IFI44L: variants seen among roughly 807,000 people sequenced by gnomAD.
IFI44L encodes the protein interferon induced protein 44 like.
In IFI44L, 40 loss-of-function variants were observed where a neutral mutation model predicts 39.3. The observed-to-expected ratio is 1.02, with a 90% CI of 0.79 to 1.33. The LOEUF (loss-of-function observed/expected upper bound fraction) is 1.33, where lower values mean the gene tolerates loss of function less well. Among genes scored for constraint, IFI44L ranks in the 40% most tolerant of loss-of-function variants. The pLI is 0.00. For missense variants in IFI44L, 623 were observed against 549.0 expected, an observed-to-expected ratio of 1.13 and a Z score of -1.35; for synonymous variants, 198 against 182.3, an observed-to-expected ratio of 1.09 and a Z score of -0.69.
intron 6 of IFI44L, among the ~76,000 whole-genome samples, chr1:78,638,081 C>T (rs1301588939): frequency 6.6e-6 from 1 of 152,028 alleles, no homozygotes; most frequent in Non-Finnish European, 1.5e-5. Context: ...ATTTTTTCTG[C>T]ATTCTTGCTA....
Position 78,644,472 on chromosome 1 carries a change from A to G in IFI44L, c.*2663A>G, listed in dbSNP as rs908989354. The G allele has an allele frequency of 1.3e-5, 2 of 152,182 alleles. No individual in the cohort carries two copies. Among genetic ancestry groups the G allele is most frequent in the African/African-American group, 4.8e-5 (2 of 41,446 alleles). The allele number at this position is 152,182 out of a possible 1,614,324, so 9.4% of individuals were successfully genotyped here. A position where few individuals can be genotyped will look rare whatever the true frequency, so the allele number is the denominator to read the frequency against. Reference sequence around the variant, plus strand: ...TATATTGCTTTGGAAACACTTAAACATCAAATGGAGTTAAATACATATTTG... The same window carrying G: ...TATATTGCTTTGGAAACACTTAAACGTCAAATGGAGTTAAATACATATTTG... On this transcript the variant is annotated 3_prime_UTR_variant, in exon 9 of 9. Transcript: ENST00000370751.
chr1:78,642,169 T>A lies in IFI44L; in HGVS notation c.*360T>A, dbSNP rs938738684. 7.0e-5 allele frequency: 18 copies of A among 255,932 alleles called. No individual in the cohort carries two copies. The highest frequency in any genetic ancestry group is 1.4e-4 in the Non-Finnish European group (18 of 132,272). 15.9% of individuals were successfully genotyped at this position (255,932 alleles called of 1,614,324 possible). On this transcript the variant is annotated 3_prime_UTR_variant, in exon 9 of 9. Coordinates refer to ENST00000370751, the MANE Select transcript of IFI44L (RefSeq NM_006820.4). ...TAGTTATAAAATTATTGTATAGACA[T>A]CTGCTTCTTAAACAGATTGTGAGTT...
chr1:78,635,054 T>G (rs1461552215), intron 4 of IFI44L, among the ~76,000 whole-genome samples: 1 of 151,324 alleles, frequency 6.6e-6, no homozygotes, highest in African/African-American at 2.4e-5. Flanking sequence ...ACACACACGT[T>G]TTACATGATA....
At chr1:78,635,556 A>G (rs1473502037) in intron 5 of IFI44L, 67 bp downstream of exon 5, 2 of 1,498,274 alleles carry the variant, frequency 1.3e-6, no homozygotes, top group Admixed American at 1.8e-5. Context: ...TGAATTTTTA[A>G]CCACATAAGG....
In IFI44L at chr1:78,628,339, C is replaced by G. The variant is rs1652583355; in HGVS notation, c.424C>G (p.Leu142Val). 1 of 1,597,548 alleles carries G rather than the reference C, an allele frequency of 6.3e-7. No homozygotes were observed. The highest frequency in any genetic ancestry group is 1.7e-5 in the Admixed American group (1 of 57,260). Reference sequence around the variant, plus strand: ...TAAAATGATAACAAGAAACTTGAAACTAAGGTTTTATGGCCACCGTCAGTA... The same window carrying G: ...TAAAATGATAACAAGAAACTTGAAAGTAAGGTTTTATGGCCACCGTCAGTA... ...LDKMITRNLK[L>V]RFYGHRQYLE... Residue 142 changes from leucine to valine, a missense_variant, in exon 2 of 9, where the codon CTA (leucine) becomes GTA (valine). Transcript: ENST00000370751.
intron 1 of IFI44L, among the ~76,000 whole-genome samples, chr1:78,623,272 A>C (rs1345344603): frequency 6.6e-6 from 1 of 152,084 alleles, no homozygotes; most frequent in Non-Finnish European, 1.5e-5. Context: ...CTTGTCTTGT[A>C]CTTTATCTTA....
rs369189628 is a variant in IFI44L, at chr1:78,643,208, G to A, written c.*1399G>A. On this transcript the variant is annotated 3_prime_UTR_variant, in exon 9 of 9. Transcript: ENST00000370751. ...CTAAAGCAAGGCTGCAGGTGAAGTT[G>A]TGCTCAAGTGAATGTTCAGGAGACA... The A allele has an allele frequency of 6.7e-6, 1 of 148,840 alleles. No homozygotes were observed. Among genetic ancestry groups the A allele is most frequent in the African/African-American group, 2.4e-5 (1 of 41,314 alleles). The allele number at this position is 148,840 out of a possible 1,614,324, so 9.2% of individuals were successfully genotyped here. A position where few individuals can be genotyped will look rare whatever the true frequency, so the allele number is the denominator to read the frequency against.
chr1:78,633,603 T>G (rs1652833944), intron 4 of IFI44L, among the ~76,000 whole-genome samples: 2 of 152,104 alleles, frequency 1.3e-5, no homozygotes, highest in Admixed American at 6.5e-5. Flanking sequence ...ACAAAGGCAA[T>G]CTGCAAAGAT....
Position 78,644,790 on chromosome 1 carries a change from A to G in IFI44L, c.*2981A>G, listed in dbSNP as rs1446768626. The stretch of plus-strand genomic sequence containing the variant: ...TATGTGTGTTGGCTGGGAGAATATC[A>G]TCTTAAAGTGAGAGTGATGTTGTGG... On this transcript the variant is annotated 3_prime_UTR_variant, in exon 9 of 9. Coordinates refer to ENST00000370751, the MANE Select transcript of IFI44L (RefSeq NM_006820.4). The G allele has an allele frequency of 6.6e-6, 1 of 152,222 alleles. No homozygotes were observed. Among genetic ancestry groups the G allele is most frequent in the East Asian group, 1.9e-4 (1 of 5,194 alleles). The allele number at this position is 152,222 out of a possible 1,614,324, so 9.4% of individuals were successfully genotyped here.
chr1:78,636,262 T>A (rs770107380), intron 5 of IFI44L, among the ~76,000 whole-genome samples: 2 of 152,050 alleles, frequency 1.3e-5, no homozygotes, highest in African/African-American at 4.8e-5. Context: ...AACACATAAG[T>A]CAATAACAGC....
At position 78,637,025 on chromosome 1, in the gene IFI44L, A is replaced by G. The variant is rs1386374283; in HGVS notation, c.877-7A>G. 4 of 1,600,774 alleles carry G rather than the reference A, an allele frequency of 2.5e-6. No homozygotes were observed. Among genetic ancestry groups the G allele is most frequent in the Non-Finnish European group, 3.4e-6 (4 of 1,169,916 alleles). On this transcript the variant is annotated splice_region_variant and splice_polypyrimidine_tract_variant and intron_variant, in intron 5 of 8. Transcript: ENST00000370751. ...TTTCTGAATGTTACCTTATGTTTTT[A>G]TAACAGTTTAATTCCCGTAAACCAA...
chr1:78,641,678 C>T, intron 8 of IFI44L, 69 bp downstream of exon 8: 3 of 1,606,170 alleles, frequency 1.9e-6, no homozygotes, highest in South Asian at 2.2e-5. Flanking sequence ...AGTTATACAT[C>T]AGTTATTAGA....
intron 6 of IFI44L, 84 bp downstream of exon 6, chr1:78,637,287 C>T: frequency 3.0e-6 from 3 of 987,650 alleles, no homozygotes; most frequent in Non-Finnish European, 4.4e-6. Context: ...ACAGAGATTT[C>T]CCATGTACCT....
chr1:78,631,150 A>C (rs1238589829), intron 4 of IFI44L, among the ~76,000 whole-genome samples: 2 of 152,168 alleles, frequency 1.3e-5, no homozygotes, highest in African/African-American at 4.8e-5. Context: ...TGTTATTTAA[A>C]TTGAAGAAAT....
At chr1:78,627,766 G>T in intron 1 of IFI44L, 140 bp from the exon 2 acceptor site, 1 of 398,642 alleles carries the variant, frequency 2.5e-6, no homozygotes, top group Non-Finnish European at 4.4e-6. Flanking sequence ...CTATATTTTT[G>T]CTATATTTTT....
intron 4 of IFI44L, among the ~76,000 whole-genome samples, chr1:78,630,860 T>C (rs1206969283): frequency 1.3e-5 from 2 of 151,938 alleles, no homozygotes; most frequent in Non-Finnish European, 2.9e-5. Context: ...CGTGGCAAGG[T>C]ACGGCAGCAC....
At position 78,628,214 on chromosome 1, in the gene IFI44L, T is replaced by C. The variant is rs1291039834; in HGVS notation, c.299T>C (p.Leu100Pro). 2.5e-6 allele frequency: 4 copies of C among 1,612,838 alleles called. No homozygotes were observed. The African/African-American group carries it at 5.3e-5, about 22-fold the overall frequency. Residue 100 changes from leucine (L) to proline (P), a missense_variant, in exon 2 of 9, where the codon CTC becomes CCC. Leu to Pro is a moderately conservative substitution (Grantham distance 98). Coordinates refer to ENST00000370751, the MANE Select transcript of IFI44L (RefSeq NM_006820.4). ...KNDTTEIETLLLNTAPKIIDE... is the reference protein window; with the variant it reads ...KNDTTEIETLPLNTAPKIIDE... ...GACACCACTGAAATAGAAACTTTAC[T>C]CTTAAATACAGCACCAAAAATTATT...
chr1:78,639,479 C>T (rs1052175564), intron 6 of IFI44L, among the ~76,000 whole-genome samples: 2 of 151,926 alleles, frequency 1.3e-5, no homozygotes, highest in African/African-American at 4.8e-5. Context: ...AAAAATTTTC[C>T]TTTTTGCTGG....
In IFI44L at chr1:78,641,023, A is replaced by G; in HGVS notation, c.1051A>G (p.Ile351Val). 1 of 1,602,118 alleles carries G rather than the reference A, an allele frequency of 6.2e-7. No individual in the cohort carries two copies. Residue 351 changes from isoleucine (I) to valine (V), a missense_variant and splice_region_variant, in exon 7 of 9, where the codon ATA (isoleucine) becomes GTA (valine). Physicochemically the swap from Ile to Val is conservative, Grantham distance 29. Coordinates refer to ENST00000370751, the MANE Select transcript of IFI44L (RefSeq NM_006820.4). Reference sequence around the variant, plus strand: ...ACTGATTTATCTATTTGATATAGGTATAGCATATGTGGCCTTGCTTACTAA... The same window carrying G: ...ACTGATTTATCTATTTGATATAGGTGTAGCATATGTGGCCTTGCTTACTAA... ...QVHKEVLNCG[I>V]AYVALLTKVD...
Sources: allele counts gnomAD v4.1 joint callset (sites outside exome capture counted in the v4.1 genomes callset), GRCh38; gene constraint gnomAD v4.1.1; transcripts MANE v1.5; gene names NCBI Gene and HGNC (gene_info 2026-07-23, HGNC 2026-07-21).